Variants in PTPN12 observed in about 807,000 individuals in gnomAD.
The protein encoded by PTPN12 is tyrosine-protein phosphatase non-receptor type 12.
Under a neutral mutation model 97.6 loss-of-function variants are expected in PTPN12, and 29 were observed. The observed-to-expected ratio is 0.30, with a 90% CI of 0.22 to 0.41. PTPN12 has a LOEUF of 0.41. PTPN12 is among the 10% of genes least tolerant of loss of function. PTPN12 has a pLI of 1.00. For synonymous variants in PTPN12, 327 were observed against 300.4 expected, an observed-to-expected ratio of 1.09 and a Z score of -0.91; for missense variants, 819 against 926.0, an observed-to-expected ratio of 0.88 and a Z score of 1.50.
intron 16 of PTPN12, among the ~76,000 whole-genome samples, chr7:77,638,188 GA>G (rs1442148371): frequency 6.6e-6 from 1 of 151,642 alleles, no homozygotes; most frequent in Admixed American, 6.6e-5. Flanking sequence ...TCGATATCCT[GA>G]CCTCATGATC....
intron 1 of PTPN12, among the ~76,000 whole-genome samples, chr7:77,552,015 T>C (rs1036043076): frequency 8.5e-5 from 13 of 152,218 alleles, no homozygotes; most frequent in East Asian, 1.9e-4. Flanking sequence ...TAATTAAACA[T>C]GTTCAGATAT....
At chr7:77,588,742 G>C (rs185725063) in intron 5 of PTPN12, among the ~76,000 whole-genome samples, 1 of 152,240 alleles carries the variant, frequency 6.6e-6, no homozygotes, top group African/African-American at 2.4e-5. Context: ...ATATTCAGTG[G>C]TGTTGTAACT....
At chr7:77,565,266 A>G (rs1808210906) in intron 1 of PTPN12, among the ~76,000 whole-genome samples, 1 of 152,232 alleles carries the variant, frequency 6.6e-6, no homozygotes, top group Non-Finnish European at 1.5e-5. Context: ...GTGCTGATTT[A>G]AAATCCAGCC....
At chr7:77,586,530 G>T (rs1428269264) in intron 5 of PTPN12, among the ~76,000 whole-genome samples, 1 of 152,158 alleles carries the variant, frequency 6.6e-6, no homozygotes, top group Non-Finnish European at 1.5e-5. Flanking sequence ...GCTGCGGTGA[G>T]CTATGATTAT....
intron 4 of PTPN12, among the ~76,000 whole-genome samples, chr7:77,584,626 C>G (rs1394469006): frequency 1.3e-5 from 2 of 152,006 alleles, no homozygotes; most frequent in African/African-American, 4.8e-5. Context: ...GCCTGTAATC[C>G]CAGCACTTTG....
chr7:77,636,723 A>G (rs1330844347), intron 15 of PTPN12: 9 of 227,924 alleles, frequency 3.9e-5, no homozygotes, highest in Admixed American at 1.1e-4. Flanking sequence ...TAATTGACAT[A>G]TAAAATACAA....
intron 2 of PTPN12, among the ~76,000 whole-genome samples, chr7:77,575,307 T>C (rs1368837391): frequency 6.6e-6 from 1 of 151,716 alleles, no homozygotes; most frequent in African/African-American, 2.4e-5. Flanking sequence ...CTGGGCAACA[T>C]AGCAAAACTC....
chr7:77,631,899 G>A (rs543244022), intron 13 of PTPN12, among the ~76,000 whole-genome samples: 4 of 152,308 alleles, frequency 2.6e-5, no homozygotes, highest in African/African-American at 9.6e-5. Context: ...GATTTTAAAA[G>A]TGAATAGGAC....
At chr7:77,636,343 G>A (rs1266379730) in intron 15 of PTPN12, among the ~76,000 whole-genome samples, 2 of 152,022 alleles carry the variant, frequency 1.3e-5, no homozygotes, top group African/African-American at 4.8e-5. Context: ...AGCACTTTGG[G>A]AGGCCAAGCA....
At chr7:77,598,016 C>CCA in intron 7 of PTPN12, 115 bp downstream of exon 7, 1 of 1,379,142 alleles carries the variant, frequency 7.3e-7, no homozygotes, top group South Asian at 1.6e-5. Context: ...TGACTTGAGT[C>CCA]CAGGGGTTCA....
At chr7:77,601,520 T>A (rs1046165909) in intron 8 of PTPN12, among the ~76,000 whole-genome samples, 1 of 152,146 alleles carries the variant, frequency 6.6e-6, no homozygotes, top group Non-Finnish European at 1.5e-5. Flanking sequence ...TTTCTTTTTT[T>A]AATATATGTA....
chr7:77,624,266 CAA>C (rs879470982), intron 12 of PTPN12, among the ~76,000 whole-genome samples: 29 of 106,846 alleles, frequency 2.7e-4, no homozygotes, highest in Admixed American at 3.9e-4. Context: ...GACCCTGTCT[CAA>C]AAAAAAAAAA....
intron 13 of PTPN12, among the ~76,000 whole-genome samples, chr7:77,628,300 C>G (rs993025508): frequency 6.6e-6 from 1 of 152,152 alleles, no homozygotes; most frequent in Non-Finnish European, 1.5e-5. Flanking sequence ...TTTTAGCACT[C>G]TTAGCATTTC....
intron 1 of PTPN12, among the ~76,000 whole-genome samples, chr7:77,548,638 A>G (rs925273372): frequency 1.3e-5 from 2 of 152,202 alleles, no homozygotes; most frequent in African/African-American, 4.8e-5. Context: ...GAAAAAGTCA[A>G]TAAAGCCCCA....
intron 1 of PTPN12, among the ~76,000 whole-genome samples, chr7:77,553,928 G>C (rs747496376): frequency 2.0e-5 from 3 of 147,710 alleles, no homozygotes; most frequent in Non-Finnish European, 4.4e-5. Flanking sequence ...TCCTTTCTTA[G>C]CATGTCAGTT....
chr7:77,555,619 T>C (rs1807673296), intron 1 of PTPN12, among the ~76,000 whole-genome samples: 1 of 152,144 alleles, frequency 6.6e-6, no homozygotes, highest in Non-Finnish European at 1.5e-5. Flanking sequence ...TAAAAAAATC[T>C]CTAGCGTTTC....
intron 1 of PTPN12, among the ~76,000 whole-genome samples, chr7:77,543,363 A>G (rs1371168000): frequency 6.7e-6 from 1 of 149,074 alleles, no homozygotes; most frequent in Non-Finnish European, 1.5e-5. Flanking sequence ...TTTTTTTTAA[A>G]GAGAGAACTA....
Position 77,632,424 on chromosome 7 carries a change from T to C in PTPN12, c.2073T>C (p.His691=), listed in dbSNP as rs1562765177. The C allele has an allele frequency of 6.2e-7, 1 of 1,602,866 alleles. No homozygotes were observed. The highest frequency in any genetic ancestry group is 8.5e-7 in the Non-Finnish European group (1 of 1,170,188). Residue 691 remains histidine, a splice_region_variant and synonymous_variant, in exon 14 of 18, where the codon CAT becomes CAC. Transcript: ENST00000248594. ...AATCGTTTGTGTTAGCAAGTGAACA[T>C]AGTGAGTGTCTCTTTTGCTTTTACA... ...TPESFVLASE[H]NTPVRSEWSE...
intron 12 of PTPN12, among the ~76,000 whole-genome samples, chr7:77,621,256 C>T (rs1057262930): frequency 6.6e-6 from 1 of 152,162 alleles, no homozygotes; most frequent in Non-Finnish European, 1.5e-5. Context: ...CAGAAACACA[C>T]ATGGAGCTGT....
Sources: gnomAD v4.1 joint callset for allele counts (sites outside exome capture counted in the v4.1 genomes callset) on GRCh38, gnomAD v4.1.1 for gene constraint, MANE v1.5 for transcripts, NCBI Gene and HGNC (gene_info 2026-07-23, HGNC 2026-07-21) for gene names.